PDE4D: variants seen among roughly 807,000 people sequenced by gnomAD.
PDE4D encodes the protein 3',5'-cyclic-AMP phosphodiesterase 4D.
Under a neutral mutation model 87.4 loss-of-function variants are expected in PDE4D, and 24 were observed. The ratio of observed to expected loss-of-function variants is 0.27; its 90% CI spans 0.20 to 0.39. The LOEUF is 0.39. Among genes scored for constraint, PDE4D ranks in the 10% least tolerant of loss-of-function variants. PDE4D has a pLI of 1.00. For missense variants in PDE4D, 714 were observed against 1,041.0 expected, an observed-to-expected ratio of 0.69 and a Z score of 4.32; for synonymous variants, 384 against 383.2, an observed-to-expected ratio of 1.00 and a Z score of -0.02.
At position 59,636,098 on chromosome 5, in the gene PDE4D, A is replaced by G. The variant is rs200723669; in HGVS notation, c.455+257070T>C. Among the ~76,000 whole-genome samples, 7 of 654 alleles carry G rather than the reference A, an allele frequency of 0.011. No individual in the cohort carries two copies. In the East Asian group the frequency reaches 0.11, roughly 10 times the overall value. The allele number at this position is 654 out of a possible 152,430, so 0.4% of individuals were successfully genotyped here. On this transcript the variant is annotated intron_variant, in intron 1 of 14. Transcript: ENST00000340635. Reference sequence around the variant, plus strand: ...CATTCCTATACACAAATAATAGACAAACAGCCAAATCATGAGCAAACTCCC... The same window carrying G: ...CATTCCTATACACAAATAATAGACAGACAGCCAAATCATGAGCAAACTCCC...
At chr5:60,021,746 C>T (rs1766086161) in intron 2 of PDE4D, 1 of 152,180 alleles carries the variant, frequency 6.6e-6, no homozygotes, top group Admixed American at 6.5e-5. Flanking sequence ...TAAATCTAAC[C>T]AGTGTTCTTC....
chr5:60,011,202 A>G (rs1243277061), intron 2 of PDE4D, among the ~76,000 whole-genome samples: 1 of 152,186 alleles, frequency 6.6e-6, no homozygotes, highest in African/African-American at 2.4e-5. Flanking sequence ...AAGAACATGG[A>G]CAGCTCCTCC....
At chr5:60,241,385 T>G (rs1583186005) in intron 1 of PDE4D, among the ~76,000 whole-genome samples, 1 of 150,342 alleles carries the variant, frequency 6.7e-6, no homozygotes, top group South Asian at 2.1e-4. Context: ...GCAATTCTCC[T>G]GCCTCAGCCT....
intron 2 of PDE4D, among the ~76,000 whole-genome samples, chr5:60,064,294 A>G (rs1046060178): frequency 1.3e-5 from 2 of 152,284 alleles, no homozygotes; most frequent in African/African-American, 4.8e-5. Context: ...CTATAAGGTA[A>G]GTTTTATTGT....
At chr5:60,100,156 C>G (rs1408584559) in intron 2 of PDE4D, among the ~76,000 whole-genome samples, 1 of 151,454 alleles carries the variant, frequency 6.6e-6, no homozygotes, top group East Asian at 1.9e-4. Context: ...AGGAGCAGGA[C>G]AGTGAGAAAG....
intron 1 of PDE4D, chr5:60,460,739 T>G (rs1583838091): frequency 1.4e-6 from 1 of 702,402 alleles, no homozygotes; most frequent in East Asian, 2.7e-5. Context: ...TTGGGGGCCA[T>G]GCTGCTAGGG....
intron 1 of PDE4D, among the ~76,000 whole-genome samples, chr5:59,330,346 A>G (rs1217536118): frequency 6.6e-6 from 1 of 152,138 alleles, no homozygotes; most frequent in Non-Finnish European, 1.5e-5. Flanking sequence ...TGATCCTTTC[A>G]CATTAGTGAG....
chr5:59,921,014 T>TA (rs911706508), intron 3 of PDE4D, among the ~76,000 whole-genome samples: 7 of 152,144 alleles, frequency 4.6e-5, no homozygotes, highest in Non-Finnish European at 7.4e-5. Context: ...TAAAGTATAT[T>TA]AAAAAAAGTG....
intron 3 of PDE4D, among the ~76,000 whole-genome samples, chr5:59,954,677 C>T (rs1758649725): frequency 1.3e-5 from 2 of 152,136 alleles, no homozygotes. Flanking sequence ...TCTTACCTTT[C>T]AGGATATCCC....
At chr5:59,640,652 G>T (rs1741423279) in intron 1 of PDE4D, among the ~76,000 whole-genome samples, 1 of 152,136 alleles carries the variant, frequency 6.6e-6, no homozygotes, top group Non-Finnish European at 1.5e-5. Context: ...TCACTTGGCA[G>T]CTTCTTCCAG....
chr5:60,205,501 C>A (rs1055856828), intron 1 of PDE4D, among the ~76,000 whole-genome samples: 7 of 152,128 alleles, frequency 4.6e-5, no homozygotes, highest in African/African-American at 1.7e-4. Context: ...TGAACTGAAG[C>A]CAGCATTCAA....
At chr5:60,425,022 C>T (rs986564188) in intron 1 of PDE4D, among the ~76,000 whole-genome samples, 2 of 152,104 alleles carry the variant, frequency 1.3e-5, no homozygotes, top group East Asian at 1.9e-4. Flanking sequence ...CATTGCTCAA[C>T]GAAATAAAAG....
rs114548957 is a variant in PDE4D at position 59,162,747 on chromosome 5, C to T, written c.808+17848G>A. On this transcript the variant is annotated intron_variant, in intron 5 of 14. Coordinates refer to ENST00000340635, the MANE Select transcript of PDE4D (RefSeq NM_001104631.2). ...CTATGTGCCTGTAGTCCCAGGTAGA[C>T]AGGAGGATGAGGTGGGAGGATTGCT... Among the ~76,000 whole-genome samples the T allele has an allele frequency of 3.6e-3, 528 of 148,730 alleles. 1 individual carries two copies. The highest frequency in any genetic ancestry group is 0.013 in the African/African-American group (508 of 40,154).
intron 1 of PDE4D, among the ~76,000 whole-genome samples, chr5:60,429,552 A>G (rs1744014193): frequency 6.6e-6 from 1 of 152,188 alleles, no homozygotes; most frequent in South Asian, 2.1e-4. Context: ...CCAGTTCTCA[A>G]GAGGAATACT....
At chr5:59,358,674 A>G (rs1389380156) in intron 1 of PDE4D, among the ~76,000 whole-genome samples, 2 of 152,044 alleles carry the variant, frequency 1.3e-5, no homozygotes, top group Non-Finnish European at 2.9e-5. Context: ...ATAACTGGTG[A>G]TCTGCGTAAA....
intron 1 of PDE4D, among the ~76,000 whole-genome samples, chr5:60,461,249 G>T (rs904416589): frequency 6.6e-6 from 1 of 152,174 alleles, no homozygotes; most frequent in Non-Finnish European, 1.5e-5. Flanking sequence ...GAAATACACA[G>T]TTGGGGGGAA....
chr5:59,762,941 T>C (rs1361193863), intron 1 of PDE4D, among the ~76,000 whole-genome samples: 5 of 147,066 alleles, frequency 3.4e-5, no homozygotes, highest in Admixed American at 6.8e-5. Context: ...GAGATATATA[T>C]ACATGTACCA....
intron 2 of PDE4D, among the ~76,000 whole-genome samples, chr5:60,038,736 A>C (rs1768105342): frequency 6.6e-6 from 1 of 151,696 alleles, no homozygotes; most frequent in South Asian, 2.1e-4. Flanking sequence ...AAACAAATTT[A>C]CAAAAAAAAA....
intron 1 of PDE4D, among the ~76,000 whole-genome samples, chr5:59,836,675 A>G (rs1436161279): frequency 7.2e-6 from 1 of 138,828 alleles, no homozygotes; most frequent in African/African-American, 3.3e-5. Context: ...CTACCTATCT[A>G]TCTATCTACC....
Sources: gnomAD v4.1 joint callset for allele counts (sites outside exome capture counted in the v4.1 genomes callset) on GRCh38, gnomAD v4.1.1 for gene constraint, MANE v1.5 for transcripts, NCBI Gene and HGNC (gene_info 2026-07-23, HGNC 2026-07-21) for gene names.